The following KDM4B variants were observed in gnomAD, a reference collection of about 807,000 sequenced individuals.
KDM4B encodes lysine-specific demethylase 4B.
Under a neutral mutation model 125.2 loss-of-function variants are expected in KDM4B, and 32 were observed. That is an observed-to-expected ratio of 0.26 (90% confidence interval 0.19 to 0.34). KDM4B has a LOEUF of 0.34. KDM4B is among the 10% of genes least tolerant of loss of function. KDM4B has a pLI of 1.00. For missense variants in KDM4B, 1,190 were observed against 1,577.7 expected (o/e 0.75, Z 4.16); for synonymous variants, 721 against 677.9 (o/e 1.06, Z -0.99).
chr19:4,973,658 G>A (rs534015514), intron 1 of KDM4B, among the ~76,000 whole-genome samples: 1 of 152,276 alleles, frequency 6.6e-6, no homozygotes, highest in South Asian at 2.1e-4. Flanking sequence ...TGACTGGCCT[G>A]TTCTAGGATG....
intron 18 of KDM4B, 111 bp downstream of exon 18, chr19:5,138,181 C>T: frequency 1.3e-6 from 1 of 769,200 alleles, no homozygotes; most frequent in Admixed American, 2.5e-5. Flanking sequence ...CTCTGCGTCT[C>T]CATGGGGGTG....
intron 2 of KDM4B, among the ~76,000 whole-genome samples, chr19:5,027,262 G>A (rs947622612): frequency 6.6e-6 from 1 of 152,206 alleles, no homozygotes; most frequent in South Asian, 2.1e-4. Context: ...GCACTGTGGC[G>A]CCCACCCCAA....
rs2039537927 is a variant in KDM4B at position 5,131,215 on chromosome 19, G to A, written c.1455G>A (p.Leu485=). The A allele has an allele frequency of 6.2e-7, 1 of 1,605,726 alleles. No individual in the cohort carries two copies. Among genetic ancestry groups the A allele is most frequent in the Non-Finnish European group, 8.5e-7 (1 of 1,176,638 alleles). Residue 485 remains leucine (L), a synonymous_variant, in exon 12 of 23, where the codon CTG becomes CTA. Coordinates refer to ENST00000159111, the MANE Select transcript of KDM4B (RefSeq NM_015015.3). ...SEEALWLPSP[L]EPPVLGPGPA... The stretch of plus-strand genomic sequence containing the variant: ...AGGCGCTGTGGCTGCCATCCCCACT[G>A]GAGCCCCCGGTGCTGGGCCCAGGCC...
At chr19:5,111,057 C>A (rs1332665523) in intron 10 of KDM4B, among the ~76,000 whole-genome samples, 3 of 152,172 alleles carry the variant, frequency 2.0e-5, no homozygotes, top group African/African-American at 7.2e-5. Flanking sequence ...TCTGCTCTGG[C>A]GGGCAGCGTC....
chr19:4,991,236 A>G (rs575859422), intron 1 of KDM4B, among the ~76,000 whole-genome samples: 1 of 151,780 alleles, frequency 6.6e-6, no homozygotes, highest in South Asian at 2.1e-4. Context: ...CCCCAAAACC[A>G]TCAACCCATG....
intron 1 of KDM4B, among the ~76,000 whole-genome samples, chr19:4,992,722 A>T (rs2035068200): frequency 6.6e-6 from 1 of 152,172 alleles, no homozygotes; most frequent in Non-Finnish European, 1.5e-5. Context: ...AAGTGCTGGG[A>T]TTACAGGCAT....
Position 5,131,149 on chromosome 19 carries a change from C to G in KDM4B, c.1389C>G (p.Pro463=). Residue 463 remains proline, a synonymous_variant, in exon 12 of 23, where the codon CCC becomes CCG. Coordinates refer to ENST00000159111, the MANE Select transcript of KDM4B (RefSeq NM_015015.3). The part of the protein sequence containing the change: ...ERKKKSFGLL[P]PQLPPPPAHF... ...AGAAGAAGAGCTTCGGCCTGCTGCC[C>G]CCACAGCTGCCGCCCCCGCCTGCTC... The G allele has an allele frequency of 6.4e-7, 1 of 1,553,848 alleles. No individual in the cohort carries two copies.
chr19:5,031,394 C>T (rs781599142), intron 2 of KDM4B, among the ~76,000 whole-genome samples: 10 of 152,258 alleles, frequency 6.6e-5, no homozygotes, highest in Admixed American at 2.0e-4. Flanking sequence ...CACGTGGTCA[C>T]GTGCCGTGCA....
intron 6 of KDM4B, among the ~76,000 whole-genome samples, chr19:5,069,001 G>A (rs981065923): frequency 1.3e-5 from 2 of 152,220 alleles, no homozygotes; most frequent in African/African-American, 4.8e-5. Flanking sequence ...CTTCCCAGAA[G>A]GAGCAGAGTG....
chr19:5,001,835 T>C (rs1362471182), intron 1 of KDM4B, among the ~76,000 whole-genome samples: 1 of 152,206 alleles, frequency 6.6e-6, no homozygotes, highest in Non-Finnish European at 1.5e-5. Flanking sequence ...GATGAACATC[T>C]TGTTGTGATT....
chr19:5,042,140 A>G (rs1050620977), intron 5 of KDM4B, among the ~76,000 whole-genome samples: 1 of 152,232 alleles, frequency 6.6e-6, no homozygotes, highest in Non-Finnish European at 1.5e-5. Context: ...GAATATTTGC[A>G]TATACATCCT....
chr19:4,972,988 GC>G (rs2034313470), intron 1 of KDM4B, among the ~76,000 whole-genome samples: 1 of 152,186 alleles, frequency 6.6e-6, no homozygotes, highest in Non-Finnish European at 1.5e-5. Context: ...CTGAGCTTTG[GC>G]AGGTCCTTGC....
intron 2 of KDM4B, 81 bp from the exon 3 acceptor site, chr19:5,032,785 G>A (rs887550955): frequency 7.7e-5 from 104 of 1,347,578 alleles, no homozygotes; most frequent in Non-Finnish European, 1.0e-4. Flanking sequence ...TTTTTAGCAC[G>A]CTCCGTTCTG....
chr19:5,116,155 C>T (rs1366108427), intron 10 of KDM4B, among the ~76,000 whole-genome samples: 1 of 140,872 alleles, frequency 7.1e-6, no homozygotes, highest in Non-Finnish European at 1.5e-5. Flanking sequence ...GATCCCAGCA[C>T]TATGGGAGGC....
rs561909152 is a variant in KDM4B at position 5,151,417 on chromosome 19, C to T, written c.3197C>T (p.Pro1066Leu). The T allele has an allele frequency of 1.1e-4, 179 of 1,575,388 alleles. No individual in the cohort carries two copies. Among genetic ancestry groups the T allele is most frequent in the African/African-American group, 6.3e-4 (46 of 73,448 alleles). Residue 1066 changes from proline (P) to leucine (L), a missense_variant, in exon 23 of 23, where the codon CCG becomes CTG. By Grantham distance (98) the Pro-to-Leu change is moderately conservative. Transcript: ENST00000159111. The stretch of plus-strand genomic sequence containing the variant: ...GCCAAGCGCCCGCGTGTGGGCACCC[C>T]GCTTGCCACGGAGGACTCCGGGCGG... ...KAAKRPRVGT[P>L]LATEDSGRSQ...
At chr19:5,064,214 A>G (rs1055414853) in intron 6 of KDM4B, among the ~76,000 whole-genome samples, 10 of 151,636 alleles carry the variant, frequency 6.6e-5, no homozygotes, top group African/African-American at 2.4e-4. Flanking sequence ...TGGGTGGCTC[A>G]CTCTGCCAGG....
At chr19:5,050,795 G>T (rs988107438) in intron 6 of KDM4B, among the ~76,000 whole-genome samples, 2 of 152,226 alleles carry the variant, frequency 1.3e-5, no homozygotes, top group Non-Finnish European at 2.9e-5. Flanking sequence ...AGCTACTCGG[G>T]AGGCTGAGGC....
intron 6 of KDM4B, among the ~76,000 whole-genome samples, chr19:5,054,492 G>C (rs545897963): frequency 6.6e-6 from 1 of 151,642 alleles, no homozygotes; most frequent in Non-Finnish European, 1.5e-5. Flanking sequence ...GTGTGTGTGC[G>C]CGCGCATGCA....
At chr19:5,100,667 C>T (rs761503954) in intron 9 of KDM4B, among the ~76,000 whole-genome samples, 12 of 152,270 alleles carry the variant, frequency 7.9e-5, no homozygotes, top group East Asian at 1.9e-4. Flanking sequence ...CCTCTCGCCT[C>T]GGCCTCTCAA....
Sources: gnomAD v4.1 joint callset for allele counts (sites outside exome capture counted in the v4.1 genomes callset) on GRCh38, gnomAD v4.1.1 for gene constraint, MANE v1.5 for transcripts, NCBI Gene and HGNC (gene_info 2026-07-23, HGNC 2026-07-21) for gene names.